CBFA2T2: variants seen among roughly 807,000 people sequenced by gnomAD.
CBFA2T2 encodes the protein protein CBFA2T2.
A neutral mutation model predicts 62.2 loss-of-function variants in CBFA2T2; 11 were observed. That is an observed-to-expected ratio of 0.18 (90% CI 0.11 to 0.29). The LOEUF (loss-of-function observed/expected upper bound fraction) is 0.29. CBFA2T2 is among the 10% of genes least tolerant of loss of function. The pLI is 1.00. For synonymous variants in CBFA2T2, 295 were observed against 287.5 expected, an observed-to-expected ratio of 1.03 and a Z score of -0.27; for missense variants, 592 against 774.1, an observed-to-expected ratio of 0.76 and a Z score of 2.79.
At chr20:33,565,010 C>G (rs576917814) in intron 1 of CBFA2T2, among the ~76,000 whole-genome samples, 12 of 152,094 alleles carry the variant, frequency 7.9e-5, no homozygotes, top group African/African-American at 2.9e-4. Flanking sequence ...AGCTCCACCT[C>G]CCCGGTTCAT....
Position 33,512,106 on chromosome 20 carries a change from G to A in CBFA2T2, c.34+21805G>A, listed in dbSNP as rs138391207. Among the ~76,000 whole-genome samples the A allele has an allele frequency of 2.6e-4, 39 of 152,124 alleles. 1 individual carries two copies. In the East Asian group the frequency reaches 4.4e-3, roughly 17 times the overall value. Reference sequence around the variant, plus strand: ...GTAGGAGAATCGCTTGAACCCGGGAGGGGGAGGTTGCAGTGAGCTGAGATC... The same window carrying A: ...GTAGGAGAATCGCTTGAACCCGGGAAGGGGAGGTTGCAGTGAGCTGAGATC... On this transcript the variant is annotated intron_variant, in intron 1 of 10. Transcript: ENST00000342704.
chr20:33,585,301 G>A (rs2014313321), intron 1 of CBFA2T2, among the ~76,000 whole-genome samples: 1 of 152,124 alleles, frequency 6.6e-6, no homozygotes, highest in East Asian at 1.9e-4. Flanking sequence ...AAGGAAATTG[G>A]TATTTACCTC....
chr20:33,647,950 A>C lies in CBFA2T2; in HGVS notation c.*3304A>C, dbSNP rs2017110446. The stretch of plus-strand genomic sequence containing the variant: ...GGCCTCTGCCCAGGACCTTCTATTC[A>C]CATTTCAAGAATCCCTTTCTGAAAT... On this transcript the variant is annotated 3_prime_UTR_variant, in exon 11 of 11. Transcript: ENST00000342704. 6.6e-6 allele frequency: 1 copy of C among 152,350 alleles called. No homozygotes were observed. Among genetic ancestry groups the C allele is most frequent in the Non-Finnish European group, 1.5e-5 (1 of 68,034 alleles). The allele number at this position is 152,350 out of a possible 1,614,324, so 9.4% of individuals were successfully genotyped here. A position where few individuals can be genotyped will look rare whatever the true frequency, so the allele number is the denominator to read the frequency against.
rs1223123159 is a variant in CBFA2T2, at chr20:33,615,749, AAAAAG to A, written c.421-3766_421-3762del. Among the ~76,000 whole-genome samples the A allele has an allele frequency of 2.0e-5, 3 of 152,162 alleles. No homozygotes were observed. The East Asian group carries it at 5.8e-4, about 29-fold the overall frequency. ...GAGCAAGACCCCATCACTTTAAAAAAAAAAGAGAGAGAGACTCTTAAAGGTAGAGA... is the reference window on the plus strand; with the variant it reads ...GAGCAAGACCCCATCACTTTAAAAAAAGAGAGAGACTCTTAAAGGTAGAGA... On this transcript the variant is annotated intron_variant, in intron 3 of 10. Coordinates refer to ENST00000342704, the MANE Select transcript of CBFA2T2 (RefSeq NM_001032999.3).
At chr20:33,604,144 A>G (rs946633570) in intron 1 of CBFA2T2, among the ~76,000 whole-genome samples, 2 of 152,198 alleles carry the variant, frequency 1.3e-5, no homozygotes, top group Non-Finnish European at 2.9e-5. Context: ...TAAATTGTTG[A>G]TAGTATACCT....
At position 33,629,843 on chromosome 20, in the gene CBFA2T2, A is replaced by G. The variant is rs2016385699; in HGVS notation, c.1157A>G (p.Glu386Gly). 3 of 1,614,170 alleles carry G rather than the reference A, an allele frequency of 1.9e-6. No homozygotes were observed. Among genetic ancestry groups the G allele is most frequent in the Non-Finnish European group, 2.5e-6 (3 of 1,180,030 alleles). Residue 386 changes from glutamate to glycine, a missense_variant, in exon 8 of 11, where the codon GAG (glutamate) becomes GGG (glycine). Physicochemically the swap from Glu to Gly is moderately conservative, Grantham distance 98 (BLOSUM62 -2). Transcript: ENST00000342704. ...YWKRRYNENT[E>G]LRKTGTELVS... ...AAAAGACGGTACAATGAAAACACAGAGCTGAGGAAAACGGGGACCGAGTTG... is the reference window on the plus strand; with the variant it reads ...AAAAGACGGTACAATGAAAACACAGGGCTGAGGAAAACGGGGACCGAGTTG...
chr20:33,575,762 A>G (rs2013793008), intron 1 of CBFA2T2, among the ~76,000 whole-genome samples: 1 of 152,046 alleles, frequency 6.6e-6, no homozygotes, highest in African/African-American at 2.4e-5. Context: ...GACAAATGAC[A>G]TCACAGAGGT....
At chr20:33,532,319 C>T (rs1282674676) in intron 1 of CBFA2T2, among the ~76,000 whole-genome samples, 8 of 152,080 alleles carry the variant, frequency 5.3e-5, no homozygotes, top group Non-Finnish European at 8.8e-5. Context: ...AGGTACACAA[C>T]GAAGAGGGAA....
At chr20:33,629,146 T>C (rs2016357658) in intron 7 of CBFA2T2, among the ~76,000 whole-genome samples, 1 of 152,240 alleles carries the variant, frequency 6.6e-6, no homozygotes, top group Non-Finnish European at 1.5e-5. Context: ...AACTTTCTTT[T>C]TATTTTTTTC....
Position 33,490,249 on chromosome 20 carries a change from G to T in CBFA2T2, c.-19G>T. ...TGTCGCGGGTAGAGGCGGGCGGCGC[G>T]CGGCGGCGGCGCTCGGCGATGGTAG... On this transcript the variant is annotated 5_prime_UTR_variant, in exon 1 of 11. Coordinates refer to ENST00000342704, the MANE Select transcript of CBFA2T2 (RefSeq NM_001032999.3). The T allele has an allele frequency of 8.1e-7, 1 of 1,233,772 alleles. No individual in the cohort carries two copies. 76.4% of individuals were successfully genotyped at this position (1,233,772 alleles called of 1,614,324 possible). A position where few individuals can be genotyped will look rare whatever the true frequency, so the allele number is the denominator to read the frequency against.
At chr20:33,556,749 A>G (rs1028559283) in intron 1 of CBFA2T2, among the ~76,000 whole-genome samples, 3 of 152,066 alleles carry the variant, frequency 2.0e-5, no homozygotes, top group Middle Eastern at 3.2e-3. Context: ...GTAATTTTCT[A>G]ATTCCATCAT....
intron 4 of CBFA2T2, among the ~76,000 whole-genome samples, chr20:33,619,992 A>G (rs2015879633): frequency 1.3e-5 from 2 of 152,182 alleles, no homozygotes; most frequent in African/African-American, 2.4e-5. Flanking sequence ...ACAAAAGGCA[A>G]GGTCTTTGCA....
intron 3 of CBFA2T2, among the ~76,000 whole-genome samples, chr20:33,616,051 G>A (rs2015693235): frequency 6.6e-6 from 1 of 151,532 alleles, no homozygotes; most frequent in Non-Finnish European, 1.5e-5. Context: ...ACTCCTGCCT[G>A]GGTGACAAAG....
intron 4 of CBFA2T2, among the ~76,000 whole-genome samples, chr20:33,620,868 C>T (rs2015933581): frequency 1.3e-5 from 2 of 152,204 alleles, no homozygotes. Flanking sequence ...CATCTAAATA[C>T]TTAAATACAG....
intron 8 of CBFA2T2, among the ~76,000 whole-genome samples, chr20:33,634,342 C>T (rs1023361512): frequency 2.6e-5 from 4 of 152,026 alleles, no homozygotes; most frequent in Admixed American, 6.6e-5. Flanking sequence ...GCTCACATTC[C>T]GGGCCCTTCT....
In CBFA2T2 at chr20:33,646,410, G is replaced by T. The variant is rs1568880510; in HGVS notation, c.*1764G>T. 6.6e-6 allele frequency: 1 copy of T among 152,130 alleles called. No individual in the cohort carries two copies. Among genetic ancestry groups the T allele is most frequent in the East Asian group, 1.9e-4 (1 of 5,192 alleles). 9.4% of individuals were successfully genotyped at this position (152,130 alleles called of 1,614,324 possible). On this transcript the variant is annotated 3_prime_UTR_variant, in exon 11 of 11. Transcript: ENST00000342704. ...AAATCAGTTGGAGTAAGTTTAATTG[G>T]CCCTGCTCCAGCTGGCCTTTGAAGC...
chr20:33,535,539 G>T (rs2012180543), intron 1 of CBFA2T2, among the ~76,000 whole-genome samples: 1 of 150,890 alleles, frequency 6.6e-6, no homozygotes. Context: ...GCTGTCCTGG[G>T]GTCTGCAGGA....
At chr20:33,592,083 C>T (rs577071206) in intron 1 of CBFA2T2, among the ~76,000 whole-genome samples, 64 of 152,204 alleles carry the variant, frequency 4.2e-4, no homozygotes, top group Non-Finnish European at 6.3e-4. Flanking sequence ...ACGACATAGG[C>T]CGGGCCCAGT....
rs139769122 is a variant in CBFA2T2 at position 33,529,743 on chromosome 20, TTATATATATATA to T, written c.34+39470_34+39481del. On this transcript the variant is annotated intron_variant, in intron 1 of 10. Transcript: ENST00000342704. ...CTTGTATCAAGAAAGAAGAAAGCAG[TTATATATATATA>T]TATATATATATATATATATATATAT... is the stretch of plus-strand genomic sequence containing the variant. 7.9e-3 allele frequency among the ~76,000 whole-genome samples: 32 copies of T among 4,054 alleles called. No individual in the cohort carries two copies. In the Non-Finnish European group the frequency reaches 0.17, roughly 21 times the overall value. The allele number at this position is 4,054 out of a possible 152,430, so 2.7% of individuals were successfully genotyped here.
Sources: allele counts gnomAD v4.1 joint callset (sites outside exome capture counted in the v4.1 genomes callset), GRCh38; gene constraint gnomAD v4.1.1; transcripts MANE v1.5; gene names NCBI Gene and HGNC (gene_info 2026-07-23, HGNC 2026-07-21).